Variants in ANKRD44 observed in about 807,000 individuals in gnomAD.
ANKRD44 encodes ankyrin repeat domain 44.
ANKRD44 carries 35 observed loss-of-function variants against 116.0 expected under a neutral mutation model. The observed-to-expected ratio is 0.30, with a 90% CI of 0.23 to 0.40. The LOEUF (loss-of-function observed/expected upper bound fraction) is 0.40, where lower values mean the gene tolerates loss of function less well. ANKRD44 is among the 10% of genes least tolerant of loss of function. The probability of loss-of-function intolerance (pLI) is 1.00; values close to 1 mark genes in which losing one functional copy is unlikely to be tolerated. For missense variants in ANKRD44, 1,014 were observed against 1,242.6 expected (o/e 0.82, Z 2.77); for synonymous variants, 435 against 461.8 (o/e 0.94, Z 0.74).
chr2:197,155,641 T>C (rs1206459176), intron 2 of ANKRD44, among the ~76,000 whole-genome samples: 2 of 152,212 alleles, frequency 1.3e-5, no homozygotes, highest in Non-Finnish European at 1.5e-5. Context: ...CTTTGGGCCA[T>C]ACCTTGAACC....
chr2:197,141,807 T>C (rs1237632428), intron 3 of ANKRD44, among the ~76,000 whole-genome samples: 1 of 152,214 alleles, frequency 6.6e-6, no homozygotes, highest in East Asian at 1.9e-4. Context: ...ATCAGTGTCA[T>C]CTCTTGCTGC....
intron 1 of ANKRD44, among the ~76,000 whole-genome samples, chr2:197,206,555 C>A (rs950527070): frequency 6.6e-6 from 1 of 151,956 alleles, no homozygotes; most frequent in Non-Finnish European, 1.5e-5. Flanking sequence ...TGGTGGCACA[C>A]GCCTGTAATC....
At chr2:197,131,946 C>T (rs2079107282) in intron 4 of ANKRD44, among the ~76,000 whole-genome samples, 1 of 152,174 alleles carries the variant, frequency 6.6e-6, no homozygotes, top group Admixed American at 6.5e-5. Context: ...AAGCTGAACA[C>T]AGGAAATAAT....
rs1443259010 is a variant in ANKRD44, at chr2:196,989,411, G to A, written c.*180C>T. On this transcript the variant is annotated 3_prime_UTR_variant, in exon 28 of 28. Transcript: ENST00000282272. ...AGATTACATTTAACTCCATAAAAAA[G>A]CTACTTCAGTTCTCACTTGCATTTT... is the stretch of plus-strand genomic sequence containing the variant. The A allele has an allele frequency of 1.7e-6, 2 of 1,208,060 alleles. 1 individual carries two copies. The highest frequency in any genetic ancestry group is 2.1e-6 in the Non-Finnish European group (2 of 969,358). The allele number at this position is 1,208,060 out of a possible 1,614,324, so 74.8% of individuals were successfully genotyped here.
intron 1 of ANKRD44, among the ~76,000 whole-genome samples, chr2:197,299,950 T>G (rs1399451716): frequency 1.3e-5 from 2 of 152,192 alleles, no homozygotes; most frequent in African/African-American, 4.8e-5. Context: ...AATACATGTT[T>G]GTTCACAAAA....
chr2:197,010,955 C>T (rs540059709), intron 18 of ANKRD44, among the ~76,000 whole-genome samples: 2 of 152,310 alleles, frequency 1.3e-5, no homozygotes, highest in East Asian at 3.9e-4. Flanking sequence ...ATCAACAGCA[C>T]TCAAATGAAC....
intron 2 of ANKRD44, among the ~76,000 whole-genome samples, chr2:197,162,988 T>C (rs983824850): frequency 1.3e-5 from 2 of 152,224 alleles, no homozygotes; most frequent in African/African-American, 2.4e-5. Flanking sequence ...AGAGAACCGG[T>C]TGTCTACTAG....
chr2:197,284,517 C>T (rs968126704), intron 1 of ANKRD44, among the ~76,000 whole-genome samples: 2 of 134,694 alleles, frequency 1.5e-5, no homozygotes, highest in Non-Finnish European at 3.4e-5. Flanking sequence ...CACACACACA[C>T]ACACACACAC....
chr2:197,112,905 T>C (rs149523714), intron 8 of ANKRD44, among the ~76,000 whole-genome samples: 14 of 151,868 alleles, frequency 9.2e-5, no homozygotes, highest in Non-Finnish European at 1.6e-4. Context: ...TATAAGTCTA[T>C]TCCTTAGAAA....
chr2:197,309,384 C>T (rs1250141324), intron 1 of ANKRD44, among the ~76,000 whole-genome samples: 1 of 152,130 alleles, frequency 6.6e-6, no homozygotes, highest in Non-Finnish European at 1.5e-5. Flanking sequence ...ATCACCAACC[C>T]CGCCAAACAC....
chr2:197,277,702 G>A (rs1423288691), intron 1 of ANKRD44, among the ~76,000 whole-genome samples: 2 of 152,138 alleles, frequency 1.3e-5, no homozygotes, highest in Non-Finnish European at 2.9e-5. Context: ...GAGGGAAACA[G>A]GTAGGGGTGG....
chr2:197,305,081 C>T (rs1181364456), intron 1 of ANKRD44, among the ~76,000 whole-genome samples: 1 of 152,172 alleles, frequency 6.6e-6, no homozygotes, highest in Non-Finnish European at 1.5e-5. Context: ...GTAGTATCAC[C>T]TATGATTCTC....
intron 6 of ANKRD44, among the ~76,000 whole-genome samples, chr2:197,125,039 G>C (rs546285965): frequency 6.6e-6 from 1 of 152,212 alleles, no homozygotes; most frequent in East Asian, 1.9e-4. Context: ...CTTGCTTTCC[G>C]AGCCAGTGCT....
chr2:197,251,763 T>G (rs2082322572), intron 1 of ANKRD44, among the ~76,000 whole-genome samples: 2 of 152,388 alleles, frequency 1.3e-5, no homozygotes, highest in Admixed American at 6.5e-5. Context: ...ACTGAATGAC[T>G]GGTTCGTCTA....
At chr2:197,267,758 A>G (rs886080044) in intron 1 of ANKRD44, among the ~76,000 whole-genome samples, 6 of 152,234 alleles carry the variant, frequency 3.9e-5, no homozygotes, top group Non-Finnish European at 7.3e-5. Context: ...ACAAAGCACC[A>G]GGAGTGGAGG....
chr2:197,096,500 C>T (rs368662440), intron 10 of ANKRD44, among the ~76,000 whole-genome samples: 2 of 152,062 alleles, frequency 1.3e-5, no homozygotes, highest in African/African-American at 2.4e-5. Context: ...TGAATCAAAC[C>T]GTAGGAAGCT....
At chr2:197,221,437 C>G (rs1045688693) in intron 1 of ANKRD44, among the ~76,000 whole-genome samples, 1 of 152,020 alleles carries the variant, frequency 6.6e-6, no homozygotes, top group African/African-American at 2.4e-5. Context: ...ACCACCATGC[C>G]CAGCTAATTT....
At chr2:197,211,615 C>T (rs565019813) in intron 1 of ANKRD44, among the ~76,000 whole-genome samples, 1 of 151,920 alleles carries the variant, frequency 6.6e-6, no homozygotes, top group Non-Finnish European at 1.5e-5. Flanking sequence ...AAAAATTAAC[C>T]ATCTGTGAAA....
chr2:197,220,511 T>C (rs1239907066), intron 1 of ANKRD44, among the ~76,000 whole-genome samples: 1 of 152,218 alleles, frequency 6.6e-6, no homozygotes, highest in African/African-American at 2.4e-5. Flanking sequence ...AGAGTTGTCA[T>C]AGGTAGACAT....
Sources: allele counts gnomAD v4.1 joint callset (sites outside exome capture counted in the v4.1 genomes callset), GRCh38; gene constraint gnomAD v4.1.1; transcripts MANE v1.5; gene names NCBI Gene and HGNC (gene_info 2026-07-23, HGNC 2026-07-21).